The following GALNTL6 variants were observed in gnomAD, a reference collection of about 807,000 sequenced individuals.
GALNTL6 encodes the protein polypeptide N-acetylgalactosaminyltransferase like 6, also known as polypeptide N-acetylgalactosaminyltransferase-like 6.
A neutral mutation model predicts 73.7 loss-of-function variants in GALNTL6; 46 were observed. The ratio of observed to expected loss-of-function variants is 0.62; its 90% CI spans 0.49 to 0.80. GALNTL6 has a LOEUF of 0.80. Ranked by LOEUF, GALNTL6 falls within the 30% of genes least tolerant of loss-of-function variation. GALNTL6 has a pLI of 0.00. For missense variants in GALNTL6, 604 were observed against 755.0 expected (o/e 0.80, Z 2.34); for synonymous variants, 259 against 263.7 (o/e 0.98, Z 0.17).
chr4:172,779,786 A>G (rs1180055718), intron 5 of GALNTL6, among the ~76,000 whole-genome samples: 3 of 152,236 alleles, frequency 2.0e-5, no homozygotes, highest in East Asian at 1.9e-4. Flanking sequence ...AGCTAATTCA[A>G]ACAATCTCTG....
intron 5 of GALNTL6, among the ~76,000 whole-genome samples, chr4:172,408,286 G>T (rs1006975844): frequency 6.6e-6 from 1 of 151,916 alleles, no homozygotes. Context: ...TCTCAAATAG[G>T]AATGATTGTA....
At chr4:172,603,582 CA>C (rs895255510) in intron 5 of GALNTL6, among the ~76,000 whole-genome samples, 1 of 151,506 alleles carries the variant, frequency 6.6e-6, no homozygotes, top group African/African-American at 2.4e-5. Flanking sequence ...ACTTCAGGAA[CA>C]AAAAAAATCT....
chr4:172,394,715 A>G (rs897380437), intron 5 of GALNTL6, among the ~76,000 whole-genome samples: 12 of 152,144 alleles, frequency 7.9e-5, no homozygotes, highest in South Asian at 6.2e-4. Context: ...TACAGGCATG[A>G]GCCACCACGC....
chr4:172,333,944 G>A lies in GALNTL6; in HGVS notation c.387-14579G>A, dbSNP rs148413125. On this transcript the variant is annotated intron_variant, in intron 4 of 12. Transcript: ENST00000506823. ...CCCAGCACCATTTATTGAATAGGGT[G>A]TCCTTTTCCCAATGTAAGTTCTTGT... 8.1e-4 allele frequency among the ~76,000 whole-genome samples: 123 copies of A among 152,264 alleles called. 2 individuals are homozygous for A. The South Asian group carries it at 0.016, about 20-fold the overall frequency.
At chr4:172,141,928 CT>C (rs1202653902) in intron 2 of GALNTL6, among the ~76,000 whole-genome samples, 9 of 150,654 alleles carry the variant, frequency 6.0e-5, no homozygotes, top group Non-Finnish European at 1.2e-4. Context: ...ACACTCATTC[CT>C]GAAATAAAGA....
At chr4:172,581,620 T>C (rs1040923536) in intron 5 of GALNTL6, among the ~76,000 whole-genome samples, 5 of 152,222 alleles carry the variant, frequency 3.3e-5, no homozygotes, top group African/African-American at 1.2e-4. Context: ...CAACCACATG[T>C]CACCCAAGTC....
intron 5 of GALNTL6, among the ~76,000 whole-genome samples, chr4:172,755,584 A>G (rs891601997): frequency 6.6e-6 from 1 of 152,200 alleles, no homozygotes; most frequent in African/African-American, 2.4e-5. Context: ...ACAAATAACA[A>G]AACTACAGTC....
intron 2 of GALNTL6, among the ~76,000 whole-genome samples, chr4:171,944,258 T>C (rs1195914665): frequency 6.6e-6 from 1 of 152,056 alleles, no homozygotes; most frequent in Non-Finnish European, 1.5e-5. Context: ...GCTTTCTATA[T>C]TTTAGGGAAA....
intron 5 of GALNTL6, among the ~76,000 whole-genome samples, chr4:172,785,840 G>A (rs930269854): frequency 3.3e-5 from 5 of 152,080 alleles, no homozygotes; most frequent in African/African-American, 1.2e-4. Flanking sequence ...ACGCTCTGGG[G>A]CTTATGTTTT....
chr4:172,096,084 C>CGGGGTGTGTG, intron 2 of GALNTL6, among the ~76,000 whole-genome samples: 1 of 147,188 alleles, frequency 6.8e-6, no homozygotes, highest in African/African-American at 2.5e-5. Flanking sequence ...CTCTCTCTTT[C>CGGGGTGTGTG]TGTGTGTGTG....
At chr4:172,309,078 GT>G (rs56918922) in intron 3 of GALNTL6, among the ~76,000 whole-genome samples, 1 of 151,700 alleles carries the variant, frequency 6.6e-6, no homozygotes, top group East Asian at 1.9e-4. Flanking sequence ...GATGAAATTT[GT>G]TTTTTTTTGT....
intron 2 of GALNTL6, among the ~76,000 whole-genome samples, chr4:171,942,716 G>A (rs1181032032): frequency 2.0e-5 from 3 of 152,206 alleles, no homozygotes; most frequent in Non-Finnish European, 4.4e-5. Context: ...ATCTGAGAAA[G>A]TTTTCTGCAT....
intron 2 of GALNTL6, among the ~76,000 whole-genome samples, chr4:172,171,975 G>A (rs1237539214): frequency 6.6e-6 from 1 of 152,168 alleles, no homozygotes; most frequent in Non-Finnish European, 1.5e-5. Context: ...TGGCTTAGAA[G>A]CATCACATCT....
At chr4:172,213,947 T>C (rs1445446386) in intron 2 of GALNTL6, among the ~76,000 whole-genome samples, 2 of 152,182 alleles carry the variant, frequency 1.3e-5, no homozygotes, top group African/African-American at 4.8e-5. Flanking sequence ...GTGTTTGATT[T>C]ATTTTGGATT....
At chr4:171,904,733 G>A (rs1302614380) in intron 2 of GALNTL6, among the ~76,000 whole-genome samples, 1 of 152,102 alleles carries the variant, frequency 6.6e-6, no homozygotes, top group Non-Finnish European at 1.5e-5. Context: ...AATGTTAAGG[G>A]CAGCCAGAGA....
At position 172,542,006 on chromosome 4, in the gene GALNTL6, ACC is replaced by A. The variant is rs1331542811; in HGVS notation, c.553+193319_553+193320del. On this transcript the variant is annotated intron_variant, in intron 5 of 12. Transcript: ENST00000506823. ...AGCAGCTACATTGTCTGAGGTATAT[ACC>A]CTGGGGTTCGTTGTCCCAGTCAGGA... Among the ~76,000 whole-genome samples, 292 of 152,012 alleles carry A rather than the reference ACC, an allele frequency of 1.9e-3. 1 individual carries two copies. The highest frequency in any genetic ancestry group is 6.7e-3 in the African/African-American group (276 of 41,490).
intron 5 of GALNTL6, among the ~76,000 whole-genome samples, chr4:172,383,625 A>G (rs1442818632): frequency 6.6e-6 from 1 of 152,118 alleles, no homozygotes; most frequent in Non-Finnish European, 1.5e-5. Flanking sequence ...CTACAGGACA[A>G]TGTTGAATAA....
rs943723859 is a variant in GALNTL6, at chr4:172,755,538, G to A, written c.554-53823G>A. 9.9e-5 allele frequency among the ~76,000 whole-genome samples: 15 copies of A among 152,276 alleles called. 1 individual carries two copies. The highest frequency in any genetic ancestry group is 3.4e-4 in the African/African-American group (14 of 41,568). Reference sequence around the variant, plus strand: ...TACCTTGCACACTGCTGGTTCACAAGGGTGGAAGCCTGGAGAACCTTTTAT... The same window carrying A: ...TACCTTGCACACTGCTGGTTCACAAAGGTGGAAGCCTGGAGAACCTTTTAT... On this transcript the variant is annotated intron_variant, in intron 5 of 12. Transcript: ENST00000506823.
chr4:172,352,908 A>G (rs1371418015), intron 5 of GALNTL6, among the ~76,000 whole-genome samples: 1 of 151,996 alleles, frequency 6.6e-6, no homozygotes, highest in Non-Finnish European at 1.5e-5. Flanking sequence ...GGAAAAACAG[A>G]CTTGAAACTA....
Sources: gnomAD v4.1 joint callset for allele counts (sites outside exome capture counted in the v4.1 genomes callset) on GRCh38, gnomAD v4.1.1 for gene constraint, MANE v1.5 for transcripts, NCBI Gene and HGNC (gene_info 2026-07-23, HGNC 2026-07-21) for gene names.